FOXO3: variants seen among roughly 807,000 people sequenced by gnomAD.
FOXO3 encodes forkhead box protein O3.
FOXO3 carries 4 observed loss-of-function variants against 41.9 expected under a neutral mutation model. The ratio of observed to expected loss-of-function variants is 0.10; its 90% CI spans 0.05 to 0.22. FOXO3 has a LOEUF of 0.22. Ranked by LOEUF, FOXO3 falls within the 10% of genes least tolerant of loss-of-function variation. The pLI is 1.00. For missense variants in FOXO3, 534 were observed against 906.8 expected (o/e 0.59, Z 5.28); for synonymous variants, 318 against 389.3 (o/e 0.82, Z 2.16).
intron 1 of FOXO3, among the ~76,000 whole-genome samples, chr6:108,584,291 A>G (rs1776513762): frequency 6.6e-6 from 1 of 152,196 alleles, no homozygotes; most frequent in African/African-American, 2.4e-5. Flanking sequence ...CCTGGCATGT[A>G]TCTCTGCCAT....
chr6:108,656,914 A>G (rs1425027294), intron 1 of FOXO3, among the ~76,000 whole-genome samples: 1 of 152,232 alleles, frequency 6.6e-6, no homozygotes, highest in African/African-American at 2.4e-5. Context: ...AGATTCTGCT[A>G]GGTGCAGTCA....
intron 1 of FOXO3, among the ~76,000 whole-genome samples, chr6:108,624,631 C>T (rs956832677): frequency 6.6e-6 from 1 of 151,978 alleles, no homozygotes; most frequent in Non-Finnish European, 1.5e-5. Flanking sequence ...AGTTAAAGTT[C>T]GTATTGTACT....
At chr6:108,634,966 A>T (rs973521480) in intron 1 of FOXO3, among the ~76,000 whole-genome samples, 2 of 151,652 alleles carry the variant, frequency 1.3e-5, no homozygotes, top group Non-Finnish European at 2.9e-5. Context: ...CATTGTGTGC[A>T]TGTATATATA....
rs1448483342 is a variant in FOXO3 at position 108,561,609 on chromosome 6, C to T, written c.401C>T (p.Pro134Leu). ...QALLQPQQPLPPPQPGAAGGS... is the reference protein window; with the variant it reads ...QALLQPQQPLLPPQPGAAGGS... ...CTGCTGCAGCCTCAGCAACCGCTGC[C>T]ACCGCCGCAGCCGGGGGCGGCTGGG... The change falls in exon 1 of 3, where the codon CCA (proline) becomes CTA (leucine). Residue 134 changes from proline (P) to leucine (L), a missense_variant. Transcript: ENST00000406360. The T allele has an allele frequency of 3.3e-6, 5 of 1,531,668 alleles. No homozygotes were observed. The highest frequency in any genetic ancestry group is 3.5e-6 in the Non-Finnish European group (4 of 1,139,310). The allele number at this position is 1,531,668 out of a possible 1,614,324, so 94.9% of individuals were successfully genotyped here. A position where few individuals can be genotyped will look rare whatever the true frequency, so the allele number is the denominator to read the frequency against.
chr6:108,578,539 A>T (rs1284473782), intron 1 of FOXO3, among the ~76,000 whole-genome samples: 3 of 152,170 alleles, frequency 2.0e-5, no homozygotes, highest in Non-Finnish European at 4.4e-5. Flanking sequence ...GCAATAAAGG[A>T]TCCACTCAGG....
chr6:108,645,666 A>G (rs1452456188), intron 1 of FOXO3, among the ~76,000 whole-genome samples: 1 of 152,174 alleles, frequency 6.6e-6, no homozygotes, highest in Non-Finnish European at 1.5e-5. Context: ...CAGCACACAT[A>G]CAAGTCATTC....
At chr6:108,579,151 C>T (rs1196579085) in intron 1 of FOXO3, among the ~76,000 whole-genome samples, 1 of 152,170 alleles carries the variant, frequency 6.6e-6, no homozygotes, top group Non-Finnish European at 1.5e-5. Context: ...AAAACAAACT[C>T]CAGCAGGATG....
At chr6:108,559,961 G>T (rs1326212471), upstream of FOXO3, 1 of 151,654 alleles carries the variant, frequency 6.6e-6, no homozygotes, top group Non-Finnish European at 1.5e-5. Context: ...CCGTGCCCCG[G>T]GCCCGCGCGG....
chr6:108,672,004 C>T (rs1019934914), intron 2 of FOXO3, among the ~76,000 whole-genome samples: 1 of 152,226 alleles, frequency 6.6e-6, no homozygotes, highest in Non-Finnish European at 1.5e-5. Context: ...GGGTACCCAT[C>T]GGTGTCCACA....
chr6:108,636,239 A>G (rs1022577587), intron 1 of FOXO3, among the ~76,000 whole-genome samples: 20 of 152,214 alleles, frequency 1.3e-4, no homozygotes, highest in African/African-American at 4.6e-4. Flanking sequence ...GATGTTGTTC[A>G]TAGATGTTGG....
At chr6:108,656,343 G>GGT (rs1778688009) in intron 1 of FOXO3, 2 of 985,062 alleles carry the variant, frequency 2.0e-6, no homozygotes, top group South Asian at 9.4e-5. Flanking sequence ...CTGGTGTCTG[G>GGT]GTGAGTGGAC....
intron 1 of FOXO3, among the ~76,000 whole-genome samples, chr6:108,566,765 C>T (rs773957048): frequency 6.6e-5 from 10 of 152,154 alleles, no homozygotes; most frequent in Non-Finnish European, 1.5e-4. Flanking sequence ...CCTTTTCCTG[C>T]ATCACAAATT....
chr6:108,662,059 GT>G (rs1294427733), intron 1 of FOXO3, among the ~76,000 whole-genome samples: 3 of 150,762 alleles, frequency 2.0e-5, no homozygotes, highest in Non-Finnish European at 4.4e-5. Context: ...TTCACTTAAT[GT>G]TTTTTTTTGT....
At chr6:108,650,151 A>G (rs1778508290) in intron 1 of FOXO3, among the ~76,000 whole-genome samples, 1 of 152,158 alleles carries the variant, frequency 6.6e-6, no homozygotes, top group East Asian at 1.9e-4. Context: ...AGACTTAACC[A>G]AGGAGGTAGT....
intron 1 of FOXO3, among the ~76,000 whole-genome samples, chr6:108,644,612 C>T (rs543813366): frequency 1.3e-5 from 2 of 152,284 alleles, no homozygotes; most frequent in South Asian, 4.1e-4. Flanking sequence ...CTGTTCTCTA[C>T]CTGCCCTCAT....
chr6:108,651,901 A>G (rs917610678), intron 1 of FOXO3, among the ~76,000 whole-genome samples: 1 of 152,230 alleles, frequency 6.6e-6, no homozygotes, highest in Non-Finnish European at 1.5e-5. Context: ...TAAGATTCAC[A>G]TAGTTTTAGA....
intron 1 of FOXO3, among the ~76,000 whole-genome samples, chr6:108,607,108 C>A (rs1165254120): frequency 6.6e-6 from 1 of 152,114 alleles, no homozygotes; most frequent in African/African-American, 2.4e-5. Flanking sequence ...CCTGAAAGGT[C>A]GTACTTAGGA....
chr6:108,567,361 A>G (rs1775974963), intron 1 of FOXO3, among the ~76,000 whole-genome samples: 1 of 152,152 alleles, frequency 6.6e-6, no homozygotes, highest in African/African-American at 2.4e-5. Flanking sequence ...CCTGGATTAG[A>G]TAGAGCACAT....
chr6:108,651,282 A>G (rs997494709), intron 1 of FOXO3, among the ~76,000 whole-genome samples: 1 of 152,198 alleles, frequency 6.6e-6, no homozygotes, highest in African/African-American at 2.4e-5. Context: ...TACAGTGACT[A>G]TTAGGATAAT....
Sources: gnomAD v4.1 joint callset for allele counts (sites outside exome capture counted in the v4.1 genomes callset) on GRCh38, gnomAD v4.1.1 for gene constraint, MANE v1.5 for transcripts, NCBI Gene and HGNC (gene_info 2026-07-23, HGNC 2026-07-21) for gene names.